CHN2: variants seen among roughly 807,000 people sequenced by gnomAD.
The protein encoded by CHN2 is beta-chimaerin.
Under a neutral mutation model 56.3 loss-of-function variants are expected in CHN2, and 35 were observed. That is an observed-to-expected ratio of 0.62 (90% CI 0.47 to 0.82). The LOEUF (loss-of-function observed/expected upper bound fraction) is 0.82. Ranked by LOEUF, CHN2 falls within the 40% of genes least tolerant of loss-of-function variation. CHN2 has a pLI of 0.00. For synonymous variants in CHN2, 210 were observed against 212.8 expected, an observed-to-expected ratio of 0.99 and a Z score of 0.12; for missense variants, 491 against 580.5, an observed-to-expected ratio of 0.85 and a Z score of 1.58.
chr7:29,480,685 T>C (rs1430231545), intron 7 of CHN2, among the ~76,000 whole-genome samples: 1 of 152,246 alleles, frequency 6.6e-6, no homozygotes, highest in Admixed American at 6.5e-5. Context: ...GATGTTCTGC[T>C]GAGAGCTGAG....
At position 29,202,793 on chromosome 7, in the gene CHN2, C is replaced by A. The variant is rs115751643; in HGVS notation, c.49+7803C>A. Among the ~76,000 whole-genome samples, 1,277 of 152,300 alleles carry A rather than the reference C, an allele frequency of 8.4e-3. 10 individuals are homozygous for A. The highest frequency in any genetic ancestry group is 0.027 in the African/African-American group (1,125 of 41,556). On this transcript the variant is annotated intron_variant, in intron 1 of 12. Coordinates refer to ENST00000222792, the MANE Select transcript of CHN2 (RefSeq NM_004067.4). ...GAAACCTAGCGCTTCCTTATTACTT[C>A]ACATAATGCCATATTAGCAATGTGA...
intron 1 of CHN2, among the ~76,000 whole-genome samples, chr7:29,288,430 C>T (rs1047920785): frequency 2.0e-5 from 3 of 152,122 alleles, no homozygotes; most frequent in Admixed American, 6.6e-5. Context: ...GACTCATCTG[C>T]GTTTTGTGAT....
intron 4 of CHN2, chr7:29,397,272 A>C (rs1296918166): frequency 2.6e-5 from 4 of 152,202 alleles, no homozygotes; most frequent in Non-Finnish European, 4.4e-5. Flanking sequence ...CACTTTTAAA[A>C]ATGTTATCCT....
intron 3 of CHN2, among the ~76,000 whole-genome samples, chr7:29,382,295 C>T (rs1055550715): frequency 6.6e-6 from 1 of 152,180 alleles, no homozygotes; most frequent in Non-Finnish European, 1.5e-5. Context: ...CATGTTCACC[C>T]TCTAAAGAAT....
chr7:29,174,648 G>A (rs1797039770), intron 2 of CHN2, among the ~76,000 whole-genome samples: 1 of 152,156 alleles, frequency 6.6e-6, no homozygotes, highest in South Asian at 2.1e-4. Flanking sequence ...ATCACCTGAG[G>A]TCAGGAGTTC....
At chr7:29,346,273 A>G (rs1797432594) in intron 1 of CHN2, among the ~76,000 whole-genome samples, 1 of 152,186 alleles carries the variant, frequency 6.6e-6, no homozygotes, top group African/African-American at 2.4e-5. Flanking sequence ...GGCATAATGT[A>G]TGTATCAAAG....
chr7:29,335,506 T>A (rs904833322), intron 1 of CHN2, among the ~76,000 whole-genome samples: 3 of 152,272 alleles, frequency 2.0e-5, no homozygotes, highest in Non-Finnish European at 2.9e-5. Context: ...CAGTATGTTA[T>A]TTAGGGAACC....
chr7:29,211,145 A>G (rs1287547097), intron 1 of CHN2, among the ~76,000 whole-genome samples: 1 of 151,628 alleles, frequency 6.6e-6, no homozygotes, highest in Non-Finnish European at 1.5e-5. Context: ...ATCTCGGCTC[A>G]CTGCAAGCTC....
At chr7:29,434,058 C>T (rs183581433) in intron 6 of CHN2, among the ~76,000 whole-genome samples, 1 of 152,292 alleles carries the variant, frequency 6.6e-6, no homozygotes, top group Admixed American at 6.5e-5. Context: ...TTTTCTTCCT[C>T]TCCTAATTTG....
intron 1 of CHN2, among the ~76,000 whole-genome samples, chr7:29,203,534 T>C (rs1400904879): frequency 6.6e-6 from 1 of 152,020 alleles, no homozygotes; most frequent in Non-Finnish European, 1.5e-5. Flanking sequence ...AAAATTAATT[T>C]TACCTGTTTT....
chr7:29,405,161 C>CCA (rs1429739362), intron 6 of CHN2, among the ~76,000 whole-genome samples: 15 of 49,798 alleles, frequency 3.0e-4, no homozygotes, highest in South Asian at 6.0e-4. Flanking sequence ...GCTTATGTCA[C>CCA]CATACACACA....
chr7:29,439,063 A>G (rs951812844), intron 6 of CHN2, among the ~76,000 whole-genome samples: 4 of 152,178 alleles, frequency 2.6e-5, no homozygotes, highest in Admixed American at 2.0e-4. Context: ...TATTCATCCT[A>G]CAAAACCTAC....
chr7:29,328,539 T>G (rs753235644), intron 1 of CHN2, among the ~76,000 whole-genome samples: 1 of 152,076 alleles, frequency 6.6e-6, no homozygotes, highest in Non-Finnish European at 1.5e-5. Context: ...AATTTTTAAA[T>G]GCTAAATAAC....
At chr7:29,351,452 C>T (rs1797880936) in intron 1 of CHN2, among the ~76,000 whole-genome samples, 1 of 152,100 alleles carries the variant, frequency 6.6e-6, no homozygotes, top group African/African-American at 2.4e-5. Flanking sequence ...CATAACAAAC[C>T]AACAAATCAA....
chr7:29,211,891 A>T (rs1462099166), intron 1 of CHN2, among the ~76,000 whole-genome samples: 1 of 152,224 alleles, frequency 6.6e-6, no homozygotes, highest in Non-Finnish European at 1.5e-5. Context: ...TATTTTAATA[A>T]CTTTTTATAA....
intron 1 of CHN2, among the ~76,000 whole-genome samples, chr7:29,331,685 A>T (rs1450239971): frequency 2.6e-5 from 4 of 152,196 alleles, no homozygotes; most frequent in Non-Finnish European, 5.9e-5. Context: ...GATTATGAAC[A>T]GTGATTTTTC....
rs189159974 is a variant in CHN2, at chr7:29,362,523, G to C, written c.89-5409G>C. On this transcript the variant is annotated intron_variant, in intron 2 of 12. Coordinates refer to ENST00000222792, the MANE Select transcript of CHN2 (RefSeq NM_004067.4). The stretch of plus-strand genomic sequence containing the variant: ...AACATGTGACTGTCCCTTTGTTACA[G>C]ACAGGAGGACAGTCACGGTCCCCAG... Among the ~76,000 whole-genome samples the C allele has an allele frequency of 1.9e-3, 293 of 152,214 alleles. 1 individual carries two copies. Among genetic ancestry groups the C allele is most frequent in the African/African-American group, 6.9e-3 (287 of 41,534 alleles).
intron 2 of CHN2, among the ~76,000 whole-genome samples, chr7:29,170,592 G>A (rs764269772): frequency 6.6e-6 from 1 of 152,128 alleles, no homozygotes; most frequent in Admixed American, 6.5e-5. Flanking sequence ...CATGACAAAT[G>A]TATGTCTTCT....
intron 1 of CHN2, among the ~76,000 whole-genome samples, chr7:29,206,180 G>A (rs1377535223): frequency 6.6e-6 from 1 of 152,194 alleles, no homozygotes; most frequent in African/African-American, 2.4e-5. Flanking sequence ...TCATAGGAGT[G>A]CAACTGTAGC....
Sources: allele counts gnomAD v4.1 joint callset (sites outside exome capture counted in the v4.1 genomes callset), GRCh38; gene constraint gnomAD v4.1.1; transcripts MANE v1.5; gene names NCBI Gene and HGNC (gene_info 2026-07-23, HGNC 2026-07-21).